Variants in GNAO1 observed in about 807,000 individuals in gnomAD.
The protein encoded by GNAO1 is guanine nucleotide-binding protein G(o) subunit alpha.
For missense variants in GNAO1, 166 were observed against 478.7 expected (o/e 0.35, Z 6.10); for synonymous variants, 164 against 180.7 (o/e 0.91, Z 0.74).
intron 2 of GNAO1, among the ~76,000 whole-genome samples, chr16:56,228,615 A>G (rs2036557338): frequency 6.6e-6 from 1 of 152,210 alleles, no homozygotes; most frequent in Non-Finnish European, 1.5e-5. Context: ...CTGAGCCGGG[A>G]CCAGGAGCTG....
At position 56,294,445 on chromosome 16, in the gene GNAO1, C is replaced by A. The variant is rs201255093; in HGVS notation, c.303+18373C>A. On this transcript the variant is annotated intron_variant, in intron 3 of 8. Coordinates refer to ENST00000262493, the MANE Select transcript of GNAO1 (RefSeq NM_020988.3). Reference sequence around the variant, plus strand: ...TCTCTGGATTCTTTCTGCTGCCTCTCTTGTCACACTTCTTTATGACCAAGC... The same window carrying A: ...TCTCTGGATTCTTTCTGCTGCCTCTATTGTCACACTTCTTTATGACCAAGC... 3.3e-5 allele frequency among the ~76,000 whole-genome samples: 5 copies of A among 151,940 alleles called. No homozygotes were observed. The East Asian group carries it at 9.7e-4, about 29-fold the overall frequency.
intron 2 of GNAO1, chr16:56,270,536 G>A (rs1231795833): frequency 6.6e-6 from 1 of 152,150 alleles, no homozygotes; most frequent in Non-Finnish European, 1.5e-5. Context: ...CCTGACTCAT[G>A]TAGTTATGTC....
intron 4 of GNAO1, among the ~76,000 whole-genome samples, chr16:56,333,568 A>G (rs1042827437): frequency 5.3e-5 from 8 of 152,112 alleles, no homozygotes; most frequent in Non-Finnish European, 1.0e-4. Context: ...CTTGGAAGCC[A>G]CCCTTCTGTT....
At chr16:56,221,973 G>C (rs2036493505) in intron 2 of GNAO1, among the ~76,000 whole-genome samples, 1 of 152,190 alleles carries the variant, frequency 6.6e-6, no homozygotes, top group South Asian at 2.1e-4. Context: ...TTCTATGCAG[G>C]GATGGCAAGA....
At chr16:56,252,368 G>C (rs1172700022) in intron 2 of GNAO1, among the ~76,000 whole-genome samples, 1 of 152,212 alleles carries the variant, frequency 6.6e-6, no homozygotes, top group African/African-American at 2.4e-5. Context: ...AGCAGTAAGT[G>C]CTGTGCTTCC....
rs1470946386 is a variant in GNAO1 at position 56,354,967 on chromosome 16, A to C, written c.979A>C (p.Thr327Pro). The C allele has an allele frequency of 6.2e-7, 1 of 1,613,368 alleles. No individual in the cohort carries two copies. Among genetic ancestry groups the C allele is most frequent in the African/African-American group, 1.3e-5 (1 of 74,908 alleles). The change falls in exon 8 of 9, where the codon ACA (threonine) becomes CCA (proline). Residue 327 changes from threonine (T) to proline (P), a missense_variant. Coordinates refer to ENST00000262493, the MANE Select transcript of GNAO1 (RefSeq NM_020988.3). The surrounding 1 kb of genome is among the most constrained non-coding windows in gnomAD (Gnocchi z 4.3). ...AATATATTGTCACATGACTTGTGCC[A>C]CAGACACGAATAACATCCAGGTGGT... ...KEIYCHMTCA[T>P]DTNNIQVVFD...
chr16:56,276,102 C>A, intron 3 of GNAO1, 30 bp downstream of exon 3: 1 of 1,597,200 alleles, frequency 6.3e-7, no homozygotes, highest in Non-Finnish European at 8.5e-7. Flanking sequence ...AGCACAGCAA[C>A]AAGAGGTTCT....
intron 2 of GNAO1, among the ~76,000 whole-genome samples, chr16:56,239,702 G>A (rs960873610): frequency 1.3e-5 from 2 of 152,220 alleles, no homozygotes; most frequent in Admixed American, 6.5e-5. Flanking sequence ...TGTATTCAGA[G>A]CAGATTGACA....
intron 6 of GNAO1, among the ~76,000 whole-genome samples, chr16:56,340,132 T>C (rs1227175486): frequency 2.0e-5 from 3 of 152,172 alleles, no homozygotes; most frequent in African/African-American, 7.2e-5. Context: ...CTCTTTCTCT[T>C]GTTGGGTTTT....
At chr16:56,205,832 A>G (rs1171161430) in intron 2 of GNAO1, among the ~76,000 whole-genome samples, 1 of 152,206 alleles carries the variant, frequency 6.6e-6, no homozygotes, top group African/African-American at 2.4e-5. Context: ...TCATATAGTC[A>G]TGCGTTCTAA....
chr16:56,281,227 C>T (rs927868101), intron 3 of GNAO1, among the ~76,000 whole-genome samples: 1 of 152,118 alleles, frequency 6.6e-6, no homozygotes, highest in Non-Finnish European at 1.5e-5. Context: ...TAGATAGGCA[C>T]AGTATGATGA....
intron 2 of GNAO1, among the ~76,000 whole-genome samples, chr16:56,250,579 T>G (rs533709780): frequency 3.5e-4 from 54 of 152,288 alleles, no homozygotes; most frequent in African/African-American, 1.2e-3. Context: ...TCATTGAGAT[T>G]GCGTATCAAA....
intron 6 of GNAO1, 50 bp downstream of exon 6, chr16:56,336,910 G>A (rs770019378): frequency 3.6e-5 from 56 of 1,554,942 alleles, no homozygotes; most frequent in Non-Finnish European, 4.4e-5. Context: ...GGAGACGGCC[G>A]CAGGATAGGC....
chr16:56,213,855 G>A (rs1470884292), intron 2 of GNAO1, among the ~76,000 whole-genome samples: 3 of 152,102 alleles, frequency 2.0e-5, no homozygotes, highest in Admixed American at 1.3e-4. Context: ...GGAACAATGG[G>A]TGCCCTCATG....
intron 4 of GNAO1, among the ~76,000 whole-genome samples, chr16:56,331,216 C>T (rs2037685152): frequency 6.6e-6 from 1 of 152,206 alleles, no homozygotes; most frequent in South Asian, 2.1e-4. Context: ...GGCTCCTGAG[C>T]AGGCTCTTGG....
intron 6 of GNAO1, chr16:56,346,661 G>A: frequency 1.0e-6 from 1 of 985,392 alleles, no homozygotes; most frequent in Non-Finnish European, 1.2e-6. Context: ...GGGTTCCATG[G>A]GGACCCTAGA....
chr16:56,272,989 G>GA (rs2037031740), intron 2 of GNAO1, among the ~76,000 whole-genome samples: 1 of 152,204 alleles, frequency 6.6e-6, no homozygotes, highest in Non-Finnish European at 1.5e-5. Flanking sequence ...CCTCTTAGGG[G>GA]AATCTAGGTA....
chr16:56,327,236 C>T (rs780299064), intron 3 of GNAO1, among the ~76,000 whole-genome samples: 4 of 152,034 alleles, frequency 2.6e-5, no homozygotes, highest in African/African-American at 4.8e-5. Context: ...AGAGCCCGGG[C>T]GTATTCATGG....
At position 56,355,055 on chromosome 16, in the gene GNAO1, CT is replaced by C. The variant is rs1292557781; in HGVS notation, c.*3del. On this transcript the variant is annotated 3_prime_UTR_variant, in exon 8 of 9. Transcript: ENST00000262493. ...CTCCGGGGCTGCGGCTTGTACTGAC[CT>C]CTTGTCCTGTATAGCAACCTATTTG... 4.4e-6 allele frequency: 7 copies of C among 1,606,676 alleles called. No homozygotes were observed. Among genetic ancestry groups the C allele is most frequent in the Non-Finnish European group, 6.0e-6 (7 of 1,174,404 alleles).
Sources: gnomAD v4.1 joint callset for allele counts (sites outside exome capture counted in the v4.1 genomes callset) on GRCh38, gnomAD v4.1.1 for gene constraint, Gnocchi (gnomAD v3.1) non-coding constraint, MANE v1.5 for transcripts, NCBI Gene and HGNC (gene_info 2026-07-23, HGNC 2026-07-21) for gene names.